MICU3: variants seen among roughly 807,000 people sequenced by gnomAD.
MICU3 encodes calcium uptake protein 3, mitochondrial.
MICU3 carries 62 observed loss-of-function variants against 66.5 expected under a neutral mutation model. That is an observed-to-expected ratio of 0.93 (90% CI 0.76 to 1.15). The LOEUF is 1.15. MICU3 is among the 50% of genes most tolerant of loss of function. The pLI is 0.00. For synonymous variants in MICU3, 308 were observed against 240.7 expected, an observed-to-expected ratio of 1.28 and a Z score of -2.59; for missense variants, 779 against 664.4, an observed-to-expected ratio of 1.17 and a Z score of -1.90.
At chr8:17,074,576 A>C (rs1373595761) in intron 3 of MICU3, among the ~76,000 whole-genome samples, 1 of 148,046 alleles carries the variant, frequency 6.8e-6, no homozygotes, top group African/African-American at 2.5e-5. Flanking sequence ...AATCAGACTA[A>C]AATGATGTTA....
At chr8:17,115,097 C>T (rs1247119464) in intron 12 of MICU3, among the ~76,000 whole-genome samples, 4 of 135,506 alleles carry the variant, frequency 3.0e-5, no homozygotes, top group South Asian at 2.5e-4. Context: ...CCAGCCTGGG[C>T]GACAGAGCGA....
intron 1 of MICU3, among the ~76,000 whole-genome samples, chr8:17,058,097 G>A (rs1168516575): frequency 1.3e-5 from 2 of 152,038 alleles, no homozygotes; most frequent in Admixed American, 6.6e-5. Flanking sequence ...TGATCCACCC[G>A]CCTCGGCCTC....
intron 1 of MICU3, among the ~76,000 whole-genome samples, chr8:17,060,590 G>C (rs2150610928): frequency 6.6e-6 from 1 of 152,272 alleles, no homozygotes; most frequent in East Asian, 1.9e-4. Context: ...GGGATTACGG[G>C]CATGAGCCAC....
downstream of MICU3, among the ~76,000 whole-genome samples, chr8:17,122,964 C>T (rs1803294616): frequency 6.6e-6 from 1 of 151,906 alleles, no homozygotes. Flanking sequence ...TAAGGTAACA[C>T]CTAGAAATGT....
chr8:17,126,999 A>G (rs768616915), downstream of MICU3, among the ~76,000 whole-genome samples: 1 of 152,190 alleles, frequency 6.6e-6, no homozygotes, highest in Non-Finnish European at 1.5e-5. Flanking sequence ...CATTTCCTAT[A>G]TGTGTATTAT....
intron 5 of MICU3, among the ~76,000 whole-genome samples, chr8:17,084,732 A>T (rs1563351971): frequency 6.6e-6 from 1 of 152,154 alleles, no homozygotes; most frequent in African/African-American, 2.4e-5. Context: ...GGAATTGATA[A>T]TTACATATTC....
chr8:17,027,708 G>C (rs1585125295), intron 1 of MICU3, 48 bp downstream of exon 1: 1 of 1,262,604 alleles, frequency 7.9e-7, no homozygotes, highest in Non-Finnish European at 9.9e-7. Context: ...TGTGACCTTC[G>C]TGCCGGGTAC....
downstream of MICU3, among the ~76,000 whole-genome samples, chr8:17,123,326 T>G (rs1803310250): frequency 6.6e-6 from 1 of 152,106 alleles, no homozygotes; most frequent in South Asian, 2.1e-4. Context: ...AGAGAAAGTT[T>G]TCTGGGAAAG....
At chr8:17,080,392 T>C (rs1458989540) in intron 4 of MICU3, among the ~76,000 whole-genome samples, 1 of 152,062 alleles carries the variant, frequency 6.6e-6, no homozygotes, top group Non-Finnish European at 1.5e-5. Context: ...AACTATCAAA[T>C]AAAAGATGCA....
intron 12 of MICU3, 122 bp from the exon 13 acceptor site, chr8:17,116,321 C>A: frequency 1.7e-6 from 1 of 574,460 alleles, no homozygotes; most frequent in Middle Eastern, 5.0e-4. Context: ...TAATGGAAGG[C>A]CATGTTGCAT....
chr8:17,027,781 T>C, intron 1 of MICU3, 121 bp downstream of exon 1: 1 of 1,173,686 alleles, frequency 8.5e-7, no homozygotes, highest in Non-Finnish European at 1.1e-6. Flanking sequence ...GAACTTCCCG[T>C]GAGCGAGGCT....
Position 17,077,169 on chromosome 8 carries a change from CTTTAATA to C in MICU3, c.568-608_568-602del, listed in dbSNP as rs559731302. Among the ~76,000 whole-genome samples the C allele has an allele frequency of 2.9e-4, 44 of 152,240 alleles. 3 individuals carry two copies. In the South Asian group the frequency reaches 9.1e-3, roughly 32 times the overall value. On this transcript the variant is annotated intron_variant, in intron 3 of 14. Transcript: ENST00000318063. ...CTAAGCAGCAGTTGAAGTCTGTGTTCTTTAATATTTAAGTTAAAATTAGAAACAAATT... is the reference window on the plus strand; with the variant it reads ...CTAAGCAGCAGTTGAAGTCTGTGTTCTTTAAGTTAAAATTAGAAACAAATT...
At chr8:17,059,343 T>G (rs1259266591) in intron 1 of MICU3, among the ~76,000 whole-genome samples, 2 of 152,178 alleles carry the variant, frequency 1.3e-5, no homozygotes, top group African/African-American at 4.8e-5. Flanking sequence ...GTAGACCAGG[T>G]GAATACCAAT....
intron 12 of MICU3, 83 bp from the exon 13 acceptor site, chr8:17,116,360 C>A: frequency 1.1e-6 from 1 of 920,118 alleles, no homozygotes; most frequent in Non-Finnish European, 1.5e-6. Context: ...TAGAAAACAA[C>A]TTCTTTTACA....
At chr8:17,063,537 A>C (rs1818199253) in intron 1 of MICU3, among the ~76,000 whole-genome samples, 1 of 152,178 alleles carries the variant, frequency 6.6e-6, no homozygotes, top group African/African-American at 2.4e-5. Context: ...TAAAATTCAG[A>C]CCAATGATGG....
chr8:17,090,547 GT>G lies in MICU3; in HGVS notation c.852del (p.Leu285PhefsTer30). 6.2e-7 allele frequency: 1 copy of G among 1,610,972 alleles called. No individual in the cohort carries two copies. Among genetic ancestry groups the G allele is most frequent in the South Asian group, 1.1e-5 (1 of 90,728 alleles). On this transcript the variant is annotated frameshift_variant and splice_region_variant, in exon 8 of 15. Transcript: ENST00000318063. LOFTEE classifies it high-confidence loss of function. ...TTGGCCCTTTGTGCTCTATGTCAGCGTCTTCAACTTTATGGATACCATTCTC... is the reference window on the plus strand; with the variant it reads ...TTGGCCCTTTGTGCTCTATGTCAGCGCTTCAACTTTATGGATACCATTCTC... The part of the protein sequence containing the change: ...KGDEEKRAML[R>X]LQLYGYHSPT...
intron 1 of MICU3, among the ~76,000 whole-genome samples, chr8:17,061,441 T>A (rs7017871): frequency 0.35 from 53,281 of 151,766 alleles, 10,103 homozygotes; most frequent in East Asian, 0.8. Flanking sequence ...TGGGGGATTG[T>A]TAGACTATGC....
intron 1 of MICU3, among the ~76,000 whole-genome samples, chr8:17,058,001 C>T (rs1178798575): frequency 6.6e-6 from 1 of 152,120 alleles, no homozygotes; most frequent in Non-Finnish European, 1.5e-5. Flanking sequence ...GCACTCGCCA[C>T]CACACCTGGC....
intron 1 of MICU3, among the ~76,000 whole-genome samples, chr8:17,050,036 C>T (rs1250840237): frequency 2.0e-5 from 3 of 152,190 alleles, no homozygotes; most frequent in East Asian, 3.9e-4. Flanking sequence ...ATTTATTTAA[C>T]CATTGTCCTG....
Sources: gnomAD v4.1 joint callset for allele counts (sites outside exome capture counted in the v4.1 genomes callset) on GRCh38, gnomAD v4.1.1 for gene constraint, MANE v1.5 for transcripts, NCBI Gene and HGNC (gene_info 2026-07-23, HGNC 2026-07-21) for gene names.